Variants in AQP7B observed in about 807,000 individuals in gnomAD.
The protein encoded by AQP7B is putative aquaporin-7B.
At chr2:94,601,588 G>A in the AQP7B span, among the ~76,000 whole-genome samples, 437 of 152,334 alleles carry the variant, frequency 2.9e-3, 2 homozygotes, top group African/African-American at 9.8e-3. Flanking sequence ...GATTGAGGAG[G>A]GGGTGCGAGG....
At chr2:94,601,823 G>T in the AQP7B span, among the ~76,000 whole-genome samples, 1 of 152,140 alleles carries the variant, frequency 6.6e-6, no homozygotes, top group Admixed American at 6.5e-5. Flanking sequence ...AGCCAGGACT[G>T]AAGGGAACAG....
chr2:94,604,143 G>A, the AQP7B span: 3 of 841,128 alleles, frequency 3.6e-6, no homozygotes, highest in Non-Finnish European at 5.5e-6. Flanking sequence ...GAATCGGGCT[G>A]AGGCTGACCA....
At chr2:94,592,172 C>T in the AQP7B span, among the ~76,000 whole-genome samples, 3 of 152,102 alleles carry the variant, frequency 2.0e-5, no homozygotes, top group Non-Finnish European at 4.4e-5. Flanking sequence ...CTGTGGTTAC[C>T]TCCAGCATGG....
the AQP7B span, chr2:94,603,306 A>G: frequency 6.7e-7 from 1 of 1,481,782 alleles, no homozygotes; most frequent in Non-Finnish European, 9.3e-7. Flanking sequence ...CCCACCCTCT[A>G]ACCTATAACC....
the AQP7B span, among the ~76,000 whole-genome samples, chr2:94,588,270 T>C: frequency 6.6e-6 from 1 of 151,728 alleles, no homozygotes; most frequent in Non-Finnish European, 1.5e-5. Flanking sequence ...CACTGGAGGG[T>C]CTGGCCTGGG....
the AQP7B span, chr2:94,594,909 C>T: frequency 8.7e-6 from 11 of 1,262,750 alleles, no homozygotes; most frequent in African/African-American, 1.5e-5. Flanking sequence ...GGTGGGGCTC[C>T]ACCAGGGCTG....
the AQP7B span, among the ~76,000 whole-genome samples, chr2:94,592,968 C>T: frequency 6.6e-5 from 10 of 151,880 alleles, no homozygotes; most frequent in East Asian, 1.2e-3. Flanking sequence ...GAACCACAGG[C>T]ATACACCACA....
the AQP7B span, among the ~76,000 whole-genome samples, chr2:94,595,791 A>G: frequency 6.6e-6 from 1 of 152,148 alleles, no homozygotes; most frequent in African/African-American, 2.4e-5. Context: ...GCTGTTCTGG[A>G]GCACGGGGCC....
the AQP7B span, among the ~76,000 whole-genome samples, chr2:94,599,595 G>A: frequency 2.7e-4 from 41 of 152,012 alleles, no homozygotes; most frequent in Admixed American, 1.9e-3. Context: ...GCTGGGGCGG[G>A]GTCCTCTCCT....
At chr2:94,603,016 A>T in the AQP7B span, 558 of 1,588,428 alleles carry the variant, frequency 3.5e-4, no homozygotes, top group Non-Finnish European at 4.4e-4. Context: ...ACTCCCTGAC[A>T]CACTTGCCTG....
At chr2:94,601,695 G>A in the AQP7B span, among the ~76,000 whole-genome samples, 1 of 152,172 alleles carries the variant, frequency 6.6e-6, no homozygotes, top group Non-Finnish European at 1.5e-5. Context: ...AGGACGCTGG[G>A]CAGGGGTGGG....
the AQP7B span, among the ~76,000 whole-genome samples, chr2:94,590,706 G>A: frequency 6.6e-6 from 1 of 152,036 alleles, no homozygotes; most frequent in Non-Finnish European, 1.5e-5. Context: ...ACCTTGGGAG[G>A]CTGAGGCTGG....
At chr2:94,590,361 TA>T in the AQP7B span, among the ~76,000 whole-genome samples, 4 of 152,088 alleles carry the variant, frequency 2.6e-5, no homozygotes, top group South Asian at 6.2e-4. Flanking sequence ...TTTTTTTTTT[TA>T]TTTTTAGTGG....
chr2:94,589,419 G>A, the AQP7B span, among the ~76,000 whole-genome samples: 1 of 151,930 alleles, frequency 6.6e-6, no homozygotes, highest in Non-Finnish European at 1.5e-5. Flanking sequence ...TCATCTTCAT[G>A]GCTTTGCTCC....
chr2:94,590,349 A>AT, the AQP7B span, among the ~76,000 whole-genome samples: 600 of 147,942 alleles, frequency 4.1e-3, 10 homozygotes, highest in South Asian at 0.053. Flanking sequence ...CGCCCAGCTA[A>AT]TTTTTTTTTT....
At chr2:94,604,186 C>A in the AQP7B span, 10 of 1,239,200 alleles carry the variant, frequency 8.1e-6, no homozygotes, top group South Asian at 1.3e-4. Flanking sequence ...CCTGGGGTAG[C>A]CTGGGGATGA....
the AQP7B span, among the ~76,000 whole-genome samples, chr2:94,596,289 G>C: frequency 6.6e-6 from 1 of 152,214 alleles, no homozygotes; most frequent in Non-Finnish European, 1.5e-5. Context: ...ACCTGCTTCA[G>C]CCCTGCCACT....
At chr2:94,593,130 CAAT>C in the AQP7B span, among the ~76,000 whole-genome samples, 3 of 152,124 alleles carry the variant, frequency 2.0e-5, no homozygotes, top group East Asian at 5.8e-4. Flanking sequence ...CCTAACTGAG[CAAT>C]TACTATGCAT....
the AQP7B span, chr2:94,604,479 C>A: frequency 6.2e-7 from 1 of 1,611,126 alleles, no homozygotes; most frequent in Non-Finnish European, 8.5e-7. Context: ...CCCATGATCT[C>A]TCCCCTCACC....
Sources: gnomAD v4.1 joint callset for allele counts (sites outside exome capture counted in the v4.1 genomes callset) on GRCh38, gnomAD v4.1.1 for gene constraint, MANE v1.5 for transcripts, NCBI Gene and HGNC (gene_info 2026-07-23, HGNC 2026-07-21) for gene names.